SMC6: variants seen among roughly 807,000 people sequenced by gnomAD.
The protein encoded by SMC6 is structural maintenance of chromosomes protein 6.
Under a neutral mutation model 142.2 loss-of-function variants are expected in SMC6, and 79 were observed. The observed-to-expected ratio is 0.56, with a 90% CI of 0.46 to 0.67. SMC6 has a LOEUF of 0.67. Among genes scored for constraint, SMC6 ranks in the 30% least tolerant of loss-of-function variants. SMC6 has a pLI of 0.00. For missense variants in SMC6, 1,072 were observed against 1,284.0 expected (o/e 0.83, Z 2.52); for synonymous variants, 411 against 412.4 (o/e 1.00, Z 0.04).
intron 7 of SMC6, among the ~76,000 whole-genome samples, chr2:17,728,991 C>A (rs146550608): frequency 1.3e-5 from 2 of 152,124 alleles, no homozygotes; most frequent in African/African-American, 4.8e-5. Context: ...CTCATGTGAT[C>A]CACCCGTCTC....
chr2:17,681,362 C>T (rs1277612517), intron 24 of SMC6: 3 of 152,318 alleles, frequency 2.0e-5, no homozygotes, highest in African/African-American at 7.2e-5. Flanking sequence ...TGGAATAGCA[C>T]TTTTAATTTC....
chr2:17,709,816 G>C (rs547826864), intron 16 of SMC6, among the ~76,000 whole-genome samples: 1 of 152,250 alleles, frequency 6.6e-6, no homozygotes, highest in South Asian at 2.1e-4. Flanking sequence ...AGATACCTGA[G>C]GAAATGATAT....
chr2:17,720,404 C>A (rs1288784155), intron 11 of SMC6, among the ~76,000 whole-genome samples: 1 of 152,108 alleles, frequency 6.6e-6, no homozygotes, highest in Non-Finnish European at 1.5e-5. Context: ...CTGAAATTAA[C>A]CTTAACAGAC....
rs560317206 is a variant in SMC6, at chr2:17,664,176, T to C, written c.*1323A>G. 83 of 152,354 alleles carry C rather than the reference T, an allele frequency of 5.4e-4. 1 individual carries two copies. The highest frequency in any genetic ancestry group is 1.9e-3 in the African/African-American group (77 of 41,588). The allele number at this position is 152,354 out of a possible 1,614,324, so 9.4% of individuals were successfully genotyped here. On this transcript the variant is annotated 3_prime_UTR_variant, in exon 28 of 28. Coordinates refer to ENST00000448223, the MANE Select transcript of SMC6 (RefSeq NM_001142286.2). ...TAAAAATAATTTTAATACAAAGGCA[T>C]TATAAGTGTAAATTTAAAAATCAGA... is the stretch of plus-strand genomic sequence containing the variant.
intron 9 of SMC6, among the ~76,000 whole-genome samples, chr2:17,722,574 T>G (rs1225069298): frequency 6.6e-6 from 1 of 152,180 alleles, no homozygotes. Context: ...TCCTCACATT[T>G]TCCAGTTCCA....
chr2:17,713,573 C>T, intron 16 of SMC6: 1 of 469,364 alleles, frequency 2.1e-6, no homozygotes, highest in Non-Finnish European at 4.4e-6. Context: ...GGACTATTCT[C>T]TTTGGTCCTA....
intron 18 of SMC6, among the ~76,000 whole-genome samples, chr2:17,706,583 T>A (rs915060043): frequency 4.6e-5 from 7 of 152,116 alleles, no homozygotes; most frequent in African/African-American, 1.2e-4. Context: ...CTACTGAAGA[T>A]CTTCTAAGTC....
intron 25 of SMC6, among the ~76,000 whole-genome samples, chr2:17,671,197 TAA>T (rs1038982074): frequency 4.6e-5 from 7 of 152,046 alleles, no homozygotes; most frequent in Admixed American, 3.9e-4. Context: ...TTCAAACATT[TAA>T]AAGTGCTGAG....
chr2:17,725,505 A>G (rs1669572171), intron 8 of SMC6, 147 bp from the exon 9 acceptor site: 3 of 555,798 alleles, frequency 5.4e-6, no homozygotes, highest in Non-Finnish European at 9.4e-6. Context: ...ACACAAACAC[A>G]AAAGAATACA....
At chr2:17,669,368 A>G (rs773186713) in intron 26 of SMC6, among the ~76,000 whole-genome samples, 10 of 152,152 alleles carry the variant, frequency 6.6e-5, no homozygotes, top group Admixed American at 2.0e-4. Flanking sequence ...TGGTGCTATG[A>G]GTTGATAGGT....
At chr2:17,696,048 G>A (rs564511904) in intron 22 of SMC6, among the ~76,000 whole-genome samples, 11 of 152,238 alleles carry the variant, frequency 7.2e-5, no homozygotes, top group African/African-American at 1.4e-4. Flanking sequence ...GAAAGACAGC[G>A]CTACTTTCTA....
intron 4 of SMC6, among the ~76,000 whole-genome samples, chr2:17,740,418 A>AG (rs1670382065): frequency 6.6e-6 from 1 of 152,210 alleles, no homozygotes; most frequent in South Asian, 2.1e-4. Flanking sequence ...TCAGCCCAGC[A>AG]GCCAACACCT....
At chr2:17,702,176 G>A (rs1012778156) in intron 19 of SMC6, among the ~76,000 whole-genome samples, 1 of 152,056 alleles carries the variant, frequency 6.6e-6, no homozygotes, top group African/African-American at 2.4e-5. Context: ...TGAGTCCAAC[G>A]AGAAAAATTT....
intron 11 of SMC6, among the ~76,000 whole-genome samples, chr2:17,720,002 G>C (rs969655624): frequency 2.6e-5 from 4 of 152,130 alleles, no homozygotes; most frequent in African/African-American, 9.7e-5. Flanking sequence ...AGGTAAGTAA[G>C]CTACACTGGC....
intron 25 of SMC6, 47 bp downstream of exon 25, chr2:17,678,812 C>T (rs1667115953): frequency 1.5e-6 from 2 of 1,347,288 alleles, no homozygotes; most frequent in East Asian, 4.6e-5. Flanking sequence ...AGAAAAGAAA[C>T]AACTAGTTTT....
chr2:17,700,074 A>C, intron 21 of SMC6, 134 bp downstream of exon 21: 1 of 523,516 alleles, frequency 1.9e-6, no homozygotes, highest in Non-Finnish European at 3.2e-6. Flanking sequence ...TTTGGTTCCC[A>C]CCATTCTTTA....
In SMC6 at chr2:17,702,265, G is replaced by C. The variant is rs1305564587; in HGVS notation, c.2143-356C>G. Among the ~76,000 whole-genome samples the C allele has an allele frequency of 4.6e-5, 7 of 152,280 alleles. No homozygotes were observed. The South Asian group carries it at 1.4e-3, about 32-fold the overall frequency. ...TTTCAAAATATGATCCAAGTAAGCT[G>C]TGGGGGTTTCTGATATCCTTCAGAT... On this transcript the variant is annotated intron_variant, in intron 19 of 27. Coordinates refer to ENST00000448223, the MANE Select transcript of SMC6 (RefSeq NM_001142286.2).
chr2:17,691,734 G>A (rs1459822369), intron 23 of SMC6, among the ~76,000 whole-genome samples: 2 of 152,040 alleles, frequency 1.3e-5, no homozygotes, highest in Non-Finnish European at 2.9e-5. Flanking sequence ...GCAGGAGAAG[G>A]AAATAAAGGG....
At chr2:17,715,852 A>C (rs1669059444) in intron 15 of SMC6, among the ~76,000 whole-genome samples, 1 of 152,156 alleles carries the variant, frequency 6.6e-6, no homozygotes, top group African/African-American at 2.4e-5. Context: ...TCATTCATTT[A>C]TTCAGAAAAA....
Sources: allele counts gnomAD v4.1 joint callset (sites outside exome capture counted in the v4.1 genomes callset), GRCh38; gene constraint gnomAD v4.1.1; transcripts MANE v1.5; gene names NCBI Gene and HGNC (gene_info 2026-07-23, HGNC 2026-07-21).